The following DIAPH2 variants were observed in gnomAD, a reference collection of about 807,000 sequenced individuals.
DIAPH2 encodes protein diaphanous homolog 2.
Under a neutral mutation model 92.7 loss-of-function variants are expected in DIAPH2, and 35 were observed. That is an observed-to-expected ratio of 0.38 (90% CI 0.29 to 0.50). DIAPH2 has a LOEUF of 0.50. DIAPH2 is among the 20% of genes least tolerant of loss of function. The pLI, the probability that DIAPH2 is intolerant of heterozygous loss-of-function variation, is 0.94. For missense variants in DIAPH2, 701 were observed against 819.5 expected (o/e 0.86, Z 1.77); for synonymous variants, 301 against 280.4 (o/e 1.07, Z -0.73).
chrX:97,031,648 A>T (rs1251554453), intron 17 of DIAPH2, among the ~76,000 whole-genome samples: 3 of 111,511 alleles, frequency 2.7e-5, no homozygotes, highest in Non-Finnish European at 5.7e-5. Context: ...TGCTAGGGGT[A>T]CATAAATAAG....
chrX:96,885,699 T>G (rs3138321), intron 5 of DIAPH2, among the ~76,000 whole-genome samples: 3,603 of 111,231 alleles, frequency 0.032, 166 homozygotes, highest in African/African-American at 0.11. Context: ...TGTGTTTAAA[T>G]AAACCATTTT....
Position 96,962,354 on chromosome X carries a change from CAT to C in DIAPH2, c.1936-2729_1936-2728del, listed in dbSNP as rs1281039560. Among the ~76,000 whole-genome samples the C allele has an allele frequency of 2.8e-3, 120 of 42,122 alleles. 5 individuals carry two copies. The highest frequency in any genetic ancestry group is 9.8e-3 in the East Asian group (18 of 1,846). 36.6% of individuals were successfully genotyped at this position (42,122 alleles called of 115,157 possible). A position where few individuals can be genotyped will look rare whatever the true frequency, so the allele number is the denominator to read the frequency against. ...ATATATATACATATATATATATACA[CAT>C]ATATATATACACATATATATATACA... On this transcript the variant is annotated intron_variant, in intron 16 of 26. Transcript: ENST00000324765.
intron 23 of DIAPH2, among the ~76,000 whole-genome samples, chrX:97,276,984 T>C (rs1003025712): frequency 1.8e-5 from 2 of 112,496 alleles, no homozygotes; most frequent in African/African-American, 6.4e-5. Flanking sequence ...TGCTAGTCAA[T>C]GTTAGATACT....
chrX:97,011,360 C>T (rs1479243340), intron 17 of DIAPH2, among the ~76,000 whole-genome samples: 8 of 111,631 alleles, frequency 7.2e-5, no homozygotes, highest in Non-Finnish European at 3.8e-5. Context: ...ATCTGCCATA[C>T]GTTATGTTCT....
intron 26 of DIAPH2, among the ~76,000 whole-genome samples, chrX:97,516,250 A>G (rs1221826459): frequency 9.1e-6 from 1 of 109,316 alleles, no homozygotes; most frequent in Non-Finnish European, 1.9e-5. Context: ...GCGAGACACC[A>G]TCTCAAAAAA....
intron 26 of DIAPH2, among the ~76,000 whole-genome samples, chrX:97,472,949 C>G (rs1205883555): frequency 1.8e-5 from 2 of 111,946 alleles, no homozygotes; most frequent in Non-Finnish European, 3.8e-5. Context: ...TGTTATTTCT[C>G]TCAACTGGAG....
chrX:97,099,486 A>T (rs1461960511), intron 19 of DIAPH2, among the ~76,000 whole-genome samples: 5 of 112,077 alleles, frequency 4.5e-5, no homozygotes, highest in Non-Finnish European at 7.5e-5. Flanking sequence ...ACAAAAACCA[A>T]ACAAGTTTAT....
At chrX:96,759,788 A>G (rs2064256473) in intron 4 of DIAPH2, among the ~76,000 whole-genome samples, 1 of 111,692 alleles carries the variant, frequency 9.0e-6, no homozygotes, top group Admixed American at 9.5e-5. Flanking sequence ...TGAAACTCTT[A>G]TTCCTTGACC....
chrX:97,228,131 G>A (rs1301038795), intron 22 of DIAPH2, among the ~76,000 whole-genome samples: 1 of 111,437 alleles, frequency 9.0e-6, no homozygotes, highest in African/African-American at 3.3e-5. Flanking sequence ...GAGTTTGTGG[G>A]CTCAAGCGAT....
At chrX:97,463,693 A>G (rs1164540344) in intron 26 of DIAPH2, among the ~76,000 whole-genome samples, 1 of 111,510 alleles carries the variant, frequency 9.0e-6, no homozygotes, top group Admixed American at 9.6e-5. Context: ...TTTGTATTAT[A>G]TAATAACAAA....
intron 17 of DIAPH2, among the ~76,000 whole-genome samples, chrX:97,059,051 T>C (rs2147900224): frequency 8.9e-6 from 1 of 111,785 alleles, no homozygotes; most frequent in East Asian, 2.8e-4. Flanking sequence ...ACAGCAAAAA[T>C]GTGAAGGGAG....
intron 19 of DIAPH2, among the ~76,000 whole-genome samples, chrX:97,092,005 C>T (rs994637507): frequency 1.1e-4 from 11 of 97,742 alleles, no homozygotes; most frequent in Non-Finnish European, 2.2e-4. Flanking sequence ...CTTCTCTAGG[C>T]GGGCTTTGTT....
At chrX:96,720,673 G>A (rs2063983836) in intron 1 of DIAPH2, among the ~76,000 whole-genome samples, 1 of 111,731 alleles carries the variant, frequency 9.0e-6, no homozygotes, top group African/African-American at 3.3e-5. Context: ...AAGAACAAAT[G>A]TTAACATTTG....
chrX:96,933,283 T>C lies in DIAPH2; in HGVS notation c.1089+2440T>C, dbSNP rs193293301. ...CTTTTCCTTTTCCTTTCCATTTCCC[T>C]TTTTCTTTTTTTCTCTTTTTCATTT... On this transcript the variant is annotated intron_variant, in intron 10 of 26. Transcript: ENST00000324765. Among the ~76,000 whole-genome samples the C allele has an allele frequency of 8.0e-3, 883 of 110,062 alleles. 8 individuals are homozygous for C. Among genetic ancestry groups the C allele is most frequent in the African/African-American group, 0.027 (830 of 30,364 alleles).
At chrX:96,831,955 A>G (rs1443980135) in intron 4 of DIAPH2, among the ~76,000 whole-genome samples, 1 of 111,429 alleles carries the variant, frequency 9.0e-6, no homozygotes, top group Non-Finnish European at 1.9e-5. Flanking sequence ...ATCACATTGC[A>G]TTGGCCAAAA....
intron 23 of DIAPH2, among the ~76,000 whole-genome samples, chrX:97,272,993 T>C (rs2147586843): frequency 9.0e-6 from 1 of 110,992 alleles, no homozygotes. Flanking sequence ...CAGTCTGTAC[T>C]AAAAATACAA....
chrX:97,421,598 A>T (rs768463217), intron 25 of DIAPH2, among the ~76,000 whole-genome samples: 1 of 112,126 alleles, frequency 8.9e-6, no homozygotes, highest in South Asian at 3.7e-4. Flanking sequence ...TCTTTTACCA[A>T]TAATGACCAA....
chrX:97,294,785 T>C (rs759769012), intron 23 of DIAPH2, among the ~76,000 whole-genome samples: 1 of 112,029 alleles, frequency 8.9e-6, no homozygotes, highest in South Asian at 3.7e-4. Flanking sequence ...TCAACTAATA[T>C]TTACGGAGTT....
In DIAPH2 at chrX:96,943,622, A is replaced by C. The variant is rs778243421; in HGVS notation, c.1444+1486A>C. 1.2e-4 allele frequency among the ~76,000 whole-genome samples: 13 copies of C among 110,781 alleles called. 1 individual carries two copies. In the East Asian group the frequency reaches 3.4e-3, roughly 29 times the overall value. On this transcript the variant is annotated intron_variant, in intron 13 of 26. Coordinates refer to ENST00000324765, the MANE Select transcript of DIAPH2 (RefSeq NM_006729.5). ...TTGATTTTGATCTTATTAATCTTAA[A>C]CATGGAGTCATTGTCACCTCTCACA...
Sources: gnomAD v4.1 joint callset for allele counts (sites outside exome capture counted in the v4.1 genomes callset) on GRCh38, gnomAD v4.1.1 for gene constraint, MANE v1.5 for transcripts, NCBI Gene and HGNC (gene_info 2026-07-23, HGNC 2026-07-21) for gene names.